The following BSND variants were observed in gnomAD, a reference collection of about 807,000 sequenced individuals.
BSND encodes the protein barttin.
In BSND, 13 loss-of-function variants were observed where a neutral mutation model predicts 18.8. The observed-to-expected ratio is 0.69, with a 90% CI of 0.45 to 1.10. The LOEUF is 1.10. Ranked by LOEUF, BSND falls within the 50% of genes least tolerant of loss-of-function variation. The pLI is 0.00. For synonymous variants in BSND, 170 were observed against 161.8 expected (o/e 1.05, Z -0.39); for missense variants, 379 against 416.7 (o/e 0.91, Z 0.79).
chr1:55,007,601 A>G (rs1351250860), intron 3 of BSND, among the ~76,000 whole-genome samples: 1 of 152,190 alleles, frequency 6.6e-6, no homozygotes, highest in East Asian at 1.9e-4. Context: ...CCTGGCATAC[A>G]GTAGGCCCTT....
chr1:55,015,830 C>T lies in BSND; in HGVS notation c.*7202C>T, dbSNP rs1644447348. On this transcript the variant is annotated 3_prime_UTR_variant, in exon 4 of 4. Coordinates refer to ENST00000651561, the MANE Select transcript of BSND (RefSeq NM_057176.3). ...GAGGGAAGCACGGCGGGGATCTGAC[C>T]CCACCTGGAGAGTCGGCAGGAGCTT... 6.6e-6 allele frequency among the ~76,000 whole-genome samples: 1 copy of T among 152,206 alleles called. No individual in the cohort carries two copies. Among genetic ancestry groups the T allele is most frequent in the South Asian group, 2.1e-4 (1 of 4,822 alleles).
In BSND at chr1:55,000,695, G is replaced by A. The variant is rs758350280; in HGVS notation, c.177+1332G>A. On this transcript the variant is annotated intron_variant, in intron 1 of 3. Transcript: ENST00000651561. ...TCTGTTCAGTGCTGGAGCGGTCTGGGCTGGTTTGTAGTCATTTAGCAGGCA... is the reference window on the plus strand; with the variant it reads ...TCTGTTCAGTGCTGGAGCGGTCTGGACTGGTTTGTAGTCATTTAGCAGGCA... 1.8e-4 allele frequency among the ~76,000 whole-genome samples: 28 copies of A among 152,258 alleles called. 1 individual carries two copies. The highest frequency in any genetic ancestry group is 7.3e-5 in the Non-Finnish European group (5 of 68,050).
chr1:55,008,520 G>T lies in BSND; in HGVS notation c.855G>T (p.Gly285=). ...VEEKEASDTG[G]EEPEKEEEDL... The stretch of plus-strand genomic sequence containing the variant: ...AGAAGGAGGCTTCGGACACAGGTGG[G>T]GAGGAACCTGAGAAGGAAGAGGAAG... Residue 285 remains glycine (G), a synonymous_variant, in exon 4 of 4, where the codon GGG becomes GGT. Transcript: ENST00000651561. The T allele has an allele frequency of 6.2e-7, 1 of 1,614,206 alleles. No homozygotes were observed. Among genetic ancestry groups the T allele is most frequent in the Non-Finnish European group, 8.5e-7 (1 of 1,180,032 alleles).
At chr1:55,000,084 A>C (rs1644354031) in intron 1 of BSND, among the ~76,000 whole-genome samples, 1 of 152,206 alleles carries the variant, frequency 6.6e-6, no homozygotes, top group Non-Finnish European at 1.5e-5. Context: ...TTTCATCTGC[A>C]AATGAGATCC....
intron 1 of BSND, among the ~76,000 whole-genome samples, chr1:55,002,645 C>A (rs1400316993): frequency 6.6e-6 from 1 of 152,224 alleles, no homozygotes; most frequent in Non-Finnish European, 1.5e-5. Flanking sequence ...TCTCCAGCTT[C>A]AACTCTGCCT....
At chr1:55,005,500 C>A (rs1644384833) in intron 2 of BSND, among the ~76,000 whole-genome samples, 1 of 152,236 alleles carries the variant, frequency 6.6e-6, no homozygotes, top group African/African-American at 2.4e-5. Context: ...AGCCTCAGGG[C>A]TTTGCCGCCT....
At position 55,008,415 on chromosome 1, in the gene BSND, G is replaced by A. The variant is rs1644403018; in HGVS notation, c.750G>A (p.Glu250=). Residue 250 remains glutamate (E), a synonymous_variant, in exon 4 of 4, where the codon GAG becomes GAA. Coordinates refer to ENST00000651561, the MANE Select transcript of BSND (RefSeq NM_057176.3). ...DFALIDAPTL[E]DEPQEGQQWE... ...CCCTGATTGATGCCCCAACGTTGGAGGATGAGCCCCAAGAGGGGCAGCAGT... is the reference window on the plus strand; with the variant it reads ...CCCTGATTGATGCCCCAACGTTGGAAGATGAGCCCCAAGAGGGGCAGCAGT... The A allele has an allele frequency of 6.2e-7, 1 of 1,614,122 alleles. No homozygotes were observed. The highest frequency in any genetic ancestry group is 1.7e-5 in the Admixed American group (1 of 60,014).
chr1:54,999,158 T>A lies in BSND; in HGVS notation c.-29T>A, dbSNP rs1242666797. The A allele has an allele frequency of 6.2e-7, 1 of 1,612,970 alleles. No individual in the cohort carries two copies. Among genetic ancestry groups the A allele is most frequent in the South Asian group, 1.1e-5 (1 of 91,074 alleles). On this transcript the variant is annotated 5_prime_UTR_variant, in exon 1 of 4. Transcript: ENST00000651561. ...CTACAGCCACCCCCTCTCCCGGGGG[T>A]GTGCAGGCCAGGGACTGGCCAGGCA...
At chr1:55,000,459 G>C (rs1449568814) in intron 1 of BSND, among the ~76,000 whole-genome samples, 1 of 151,548 alleles carries the variant, frequency 6.6e-6, no homozygotes, top group Non-Finnish European at 1.5e-5. Flanking sequence ...GTTAGGAGGG[G>C]GGGGTGGGAA....
chr1:54,999,541 A>G (rs1207551728), intron 1 of BSND, among the ~76,000 whole-genome samples, 178 bp downstream of exon 1: 1 of 151,840 alleles, frequency 6.6e-6, no homozygotes, highest in Non-Finnish European at 1.5e-5. Context: ...CCATCCATCC[A>G]TCCATCCATC....
At chr1:55,006,903 G>A in intron 2 of BSND, 94 bp from the exon 3 acceptor site, 2 of 1,576,536 alleles carry the variant, frequency 1.3e-6, no homozygotes, top group Non-Finnish European at 1.7e-6. Context: ...TGAGGTGAGG[G>A]GAGACCACAT....
rs2100217430 is a variant in BSND at position 55,016,061 on chromosome 1, A to G, written c.*7433A>G. Among the ~76,000 whole-genome samples, 1 of 152,310 alleles carries G rather than the reference A, an allele frequency of 6.6e-6. No homozygotes were observed. The highest frequency in any genetic ancestry group is 2.4e-5 in the African/African-American group (1 of 41,578). On this transcript the variant is annotated 3_prime_UTR_variant, in exon 4 of 4. Coordinates refer to ENST00000651561, the MANE Select transcript of BSND (RefSeq NM_057176.3). Reference sequence around the variant, plus strand: ...TGAGTGAGTGACTGGGGACTGGACCAGGGCGGGCTGTGGTTGTTGCCCTGG... The same window carrying G: ...TGAGTGAGTGACTGGGGACTGGACCGGGGCGGGCTGTGGTTGTTGCCCTGG...
rs1644442189 is a variant in BSND, at chr1:55,014,919, G to A, written c.*6291G>A. On this transcript the variant is annotated 3_prime_UTR_variant, in exon 4 of 4. Coordinates refer to ENST00000651561, the MANE Select transcript of BSND (RefSeq NM_057176.3). Reference sequence around the variant, plus strand: ...GGAGTGAGGGTATCTCAGGCAGAGGGCATGGCATAGGCAAAGCCTTGGGGG... The same window carrying A: ...GGAGTGAGGGTATCTCAGGCAGAGGACATGGCATAGGCAAAGCCTTGGGGG... Among the ~76,000 whole-genome samples, 1 of 152,180 alleles carries A rather than the reference G, an allele frequency of 6.6e-6. No individual in the cohort carries two copies. The highest frequency in any genetic ancestry group is 1.5e-5 in the Non-Finnish European group (1 of 68,050).
chr1:55,008,690 G>A lies in BSND; in HGVS notation c.*62G>A. 6.2e-7 allele frequency: 1 copy of A among 1,612,540 alleles called. No individual in the cohort carries two copies. The highest frequency in any genetic ancestry group is 8.5e-7 in the Non-Finnish European group (1 of 1,179,448). ...TGCTGACCCCTGTGTGACATCACAGGGCCTCAGTTTCCCTATCTGCAAAAT... is the reference window on the plus strand; with the variant it reads ...TGCTGACCCCTGTGTGACATCACAGAGCCTCAGTTTCCCTATCTGCAAAAT... On this transcript the variant is annotated 3_prime_UTR_variant, in exon 4 of 4. Coordinates refer to ENST00000651561, the MANE Select transcript of BSND (RefSeq NM_057176.3).
At position 55,015,234 on chromosome 1, in the gene BSND, G is replaced by A. The variant is rs933143752; in HGVS notation, c.*6606G>A. On this transcript the variant is annotated 3_prime_UTR_variant, in exon 4 of 4. Transcript: ENST00000651561. ...TCATTCTCAACCTGCCCTGTGAAAG[G>A]TTTTTTCCACTCATGTCACTGGGTG... 6.6e-6 allele frequency among the ~76,000 whole-genome samples: 1 copy of A among 152,196 alleles called. No individual in the cohort carries two copies. The highest frequency in any genetic ancestry group is 1.5e-5 in the Non-Finnish European group (1 of 68,036).
rs1301881447 is a variant in BSND, at chr1:55,013,400, T to C, written c.*4772T>C. On this transcript the variant is annotated 3_prime_UTR_variant, in exon 4 of 4. Transcript: ENST00000651561. ...CTGGTCTTGTACCCCTGACCTCAGA[T>C]GATCTACCCGCCTCAGCCTCCCAAA... 6.6e-6 allele frequency among the ~76,000 whole-genome samples: 1 copy of C among 152,190 alleles called. No homozygotes were observed. Among genetic ancestry groups the C allele is most frequent in the East Asian group, 1.9e-4 (1 of 5,196 alleles).
chr1:55,012,223 T>C lies in BSND; in HGVS notation c.*3595T>C, dbSNP rs1644425882. Among the ~76,000 whole-genome samples the C allele has an allele frequency of 6.6e-6, 1 of 152,122 alleles. No homozygotes were observed. Among genetic ancestry groups the C allele is most frequent in the South Asian group, 2.1e-4 (1 of 4,830 alleles). On this transcript the variant is annotated 3_prime_UTR_variant, in exon 4 of 4. Coordinates refer to ENST00000651561, the MANE Select transcript of BSND (RefSeq NM_057176.3). ...CTGGGCTCCTCTATTCTCTGTAAAATTGGGTGAGGGTGGGCAAGATTCCAC... is the reference window on the plus strand; with the variant it reads ...CTGGGCTCCTCTATTCTCTGTAAAACTGGGTGAGGGTGGGCAAGATTCCAC...
chr1:55,008,864 A>G lies in BSND; in HGVS notation c.*236A>G. 1 of 636,902 alleles carries G rather than the reference A, an allele frequency of 1.6e-6. No individual in the cohort carries two copies. 39.5% of individuals were successfully genotyped at this position (636,902 alleles called of 1,614,324 possible). A position where few individuals can be genotyped will look rare whatever the true frequency, so the allele number is the denominator to read the frequency against. On this transcript the variant is annotated 3_prime_UTR_variant, in exon 4 of 4. Coordinates refer to ENST00000651561, the MANE Select transcript of BSND (RefSeq NM_057176.3). ...TTTGAAGGCAAAATATGATTTGTTG[A>G]GGTTTGCAGCAGCTGAAGCCCTCAA...
chr1:55,012,881 TCAGA>T lies in BSND; in HGVS notation c.*4257_*4260del, dbSNP rs777003326. On this transcript the variant is annotated 3_prime_UTR_variant, in exon 4 of 4. Coordinates refer to ENST00000651561, the MANE Select transcript of BSND (RefSeq NM_057176.3). ...AGGAGGAGCAGGATTGCTTGTGCTG[TCAGA>T]CAGGTGTCAAACAGGGTTCCAGGCA... Among the ~76,000 whole-genome samples the T allele has an allele frequency of 5.3e-5, 8 of 152,300 alleles. No homozygotes were observed. The highest frequency in any genetic ancestry group is 3.3e-4 in the Admixed American group (5 of 15,296).
Sources: gnomAD v4.1 joint callset for allele counts (sites outside exome capture counted in the v4.1 genomes callset) on GRCh38, gnomAD v4.1.1 for gene constraint, MANE v1.5 for transcripts, NCBI Gene and HGNC (gene_info 2026-07-23, HGNC 2026-07-21) for gene names.